The following TMEM132D variants were observed in gnomAD, a reference collection of about 807,000 sequenced individuals.
The protein encoded by TMEM132D is mature OL transmembrane protein.
TMEM132D carries 21 observed loss-of-function variants against 62.3 expected under a neutral mutation model. The observed-to-expected ratio is 0.34, with a 90% CI of 0.24 to 0.49. TMEM132D has a LOEUF of 0.49. Among genes scored for constraint, TMEM132D ranks in the 20% least tolerant of loss-of-function variants. The pLI, the probability that TMEM132D is intolerant of heterozygous loss-of-function variation, is 0.99. For synonymous variants in TMEM132D, 621 were observed against 575.6 expected (o/e 1.08, Z -1.13); for missense variants, 1,346 against 1,402.8 (o/e 0.96, Z 0.65).
At chr12:129,600,745 C>T (rs1265210319) in intron 2 of TMEM132D, among the ~76,000 whole-genome samples, 1 of 152,148 alleles carries the variant, frequency 6.6e-6, no homozygotes, top group African/African-American at 2.4e-5. Flanking sequence ...ATCTTTTTTT[C>T]TGAGCAACAG....
chr12:129,854,858 T>G (rs998120658), intron 1 of TMEM132D: 6 of 152,258 alleles, frequency 3.9e-5, no homozygotes, highest in African/African-American at 1.4e-4. Context: ...ACTCCCTCCC[T>G]CCTGACTGTG....
chr12:129,884,799 C>A (rs559606346), intron 1 of TMEM132D, among the ~76,000 whole-genome samples: 54 of 152,334 alleles, frequency 3.5e-4, no homozygotes, highest in South Asian at 1.2e-3. Context: ...GAAATGAAAG[C>A]ATGTGTTTAC....
chr12:129,311,581 C>CA (rs1201107206), intron 4 of TMEM132D, among the ~76,000 whole-genome samples: 2 of 152,012 alleles, frequency 1.3e-5, no homozygotes, highest in Non-Finnish European at 2.9e-5. Flanking sequence ...CACAGGTAAA[C>CA]ATAAAAATAA....
At chr12:129,408,882 G>A (rs1370121446) in intron 3 of TMEM132D, among the ~76,000 whole-genome samples, 1 of 152,036 alleles carries the variant, frequency 6.6e-6, no homozygotes, top group African/African-American at 2.4e-5. Context: ...AGAGAGACTG[G>A]GACACATACA....
At chr12:129,286,760 A>G (rs868012606) in intron 4 of TMEM132D, among the ~76,000 whole-genome samples, 10 of 152,192 alleles carry the variant, frequency 6.6e-5, no homozygotes, top group South Asian at 2.1e-4. Flanking sequence ...ATAAAAGGAG[A>G]CAGGGAGCCA....
intron 1 of TMEM132D, among the ~76,000 whole-genome samples, chr12:129,841,864 A>G (rs528242127): frequency 1.3e-5 from 2 of 151,768 alleles, no homozygotes; most frequent in South Asian, 4.1e-4. Flanking sequence ...AAGTAATAAT[A>G]GTAATGGCTG....
At chr12:129,416,605 TAGAG>T (rs1835920896) in intron 3 of TMEM132D, among the ~76,000 whole-genome samples, 1 of 152,206 alleles carries the variant, frequency 6.6e-6, no homozygotes, top group African/African-American at 2.4e-5. Context: ...TAGAAGTAGT[TAGAG>T]AGGGCATCCT....
chr12:129,525,053 G>A (rs1875980161), intron 3 of TMEM132D, among the ~76,000 whole-genome samples: 1 of 145,152 alleles, frequency 6.9e-6, no homozygotes, highest in Non-Finnish European at 1.5e-5. Context: ...AGCCTCCTGT[G>A]TAGCTGGGAC....
intron 3 of TMEM132D, among the ~76,000 whole-genome samples, chr12:129,481,704 A>G (rs1033593191): frequency 3.9e-5 from 6 of 152,218 alleles, no homozygotes; most frequent in Non-Finnish European, 7.3e-5. Flanking sequence ...TCTCTTATAC[A>G]TTACTGGTGA....
At chr12:129,514,245 G>T (rs151224453) in intron 3 of TMEM132D, among the ~76,000 whole-genome samples, 2 of 152,064 alleles carry the variant, frequency 1.3e-5, no homozygotes, top group South Asian at 4.2e-4. Flanking sequence ...TAATTCTATC[G>T]CTGCCACCAC....
At chr12:129,494,749 C>T (rs1048003282) in intron 3 of TMEM132D, among the ~76,000 whole-genome samples, 3 of 152,110 alleles carry the variant, frequency 2.0e-5, no homozygotes, top group Admixed American at 6.6e-5. Flanking sequence ...TGAATAAAAT[C>T]GGAAGTCATC....
chr12:129,189,401 C>G (rs1878318601), intron 5 of TMEM132D, among the ~76,000 whole-genome samples: 1 of 152,074 alleles, frequency 6.6e-6, no homozygotes, highest in African/African-American at 2.4e-5. Context: ...GAAGATGGAC[C>G]TGGCTCAGGC....
intron 5 of TMEM132D, among the ~76,000 whole-genome samples, chr12:129,188,839 T>G (rs1878301646): frequency 6.6e-6 from 1 of 150,462 alleles, no homozygotes; most frequent in African/African-American, 2.5e-5. Flanking sequence ...TAATCAGAAA[T>G]GAAAGTGTTG....
intron 3 of TMEM132D, among the ~76,000 whole-genome samples, chr12:129,427,394 C>T (rs1442639600): frequency 4.6e-5 from 5 of 107,756 alleles, no homozygotes; most frequent in African/African-American, 1.5e-4. Context: ...CATCACACAC[C>T]GGGGCCTGTT....
intron 1 of TMEM132D, among the ~76,000 whole-genome samples, chr12:129,877,359 T>C (rs1216200569): frequency 1.3e-5 from 2 of 152,196 alleles, no homozygotes; most frequent in Middle Eastern, 3.4e-3. Flanking sequence ...AAGCATTTCA[T>C]GTACACGTGT....
chr12:129,382,157 T>G (rs1397818243), intron 3 of TMEM132D, among the ~76,000 whole-genome samples: 1 of 152,208 alleles, frequency 6.6e-6, no homozygotes, highest in Non-Finnish European at 1.5e-5. Flanking sequence ...CATTTAAATA[T>G]CAAATCCTCT....
chr12:129,564,460 A>G (rs1877315668), intron 2 of TMEM132D, among the ~76,000 whole-genome samples: 2 of 152,146 alleles, frequency 1.3e-5, no homozygotes, highest in African/African-American at 4.8e-5. Flanking sequence ...CTCTTTAAGC[A>G]CTTTGCGGAG....
chr12:129,111,467 C>T (rs1875700524), intron 5 of TMEM132D: 1 of 152,342 alleles, frequency 6.6e-6, no homozygotes, highest in Non-Finnish European at 1.5e-5. Flanking sequence ...CTCAGCCAGG[C>T]CAGAGAATGT....
chr12:129,522,416 C>A (rs957323007), intron 3 of TMEM132D: 2 of 151,914 alleles, frequency 1.3e-5, no homozygotes, highest in Non-Finnish European at 2.9e-5. Context: ...CCATGAAATA[C>A]TATTATCTTT....
Sources: allele counts gnomAD v4.1 joint callset (sites outside exome capture counted in the v4.1 genomes callset), GRCh38; gene constraint gnomAD v4.1.1; transcripts MANE v1.5; gene names NCBI Gene and HGNC (gene_info 2026-07-23, HGNC 2026-07-21).